CRHBP: variants seen among roughly 807,000 people sequenced by gnomAD.
The protein encoded by CRHBP is corticotropin-releasing hormone-binding protein.
In CRHBP, 19 loss-of-function variants were observed where a neutral mutation model predicts 34.9. That is an observed-to-expected ratio of 0.55 (90% CI 0.38 to 0.80). CRHBP has a LOEUF of 0.80. Ranked by LOEUF, CRHBP falls within the 30% of genes least tolerant of loss-of-function variation. The pLI, the probability that CRHBP is intolerant of heterozygous loss-of-function variation, is 0.00. For synonymous variants in CRHBP, 154 were observed against 153.4 expected (o/e 1.00, Z -0.03); for missense variants, 328 against 409.2 (o/e 0.80, Z 1.71).
At chr5:76,978,237 A>T (rs985112866) in intron 3 of CRHBP, among the ~76,000 whole-genome samples, 6 of 152,234 alleles carry the variant, frequency 3.9e-5, no homozygotes, top group Non-Finnish European at 8.8e-5. Context: ...ACTGATTTTC[A>T]ATGTAGACAA....
At chr5:76,965,029 C>CA (rs151225907) in intron 6 of CRHBP, among the ~76,000 whole-genome samples, 2,652 of 150,714 alleles carry the variant, frequency 0.018, 76 homozygotes, top group African/African-American at 0.062. Flanking sequence ...AAAAAACACA[C>CA]AAAAAAATAC....
At chr5:76,953,506 G>T (rs1745606322) in intron 1 of CRHBP, 95 bp from the exon 2 acceptor site, 10 of 1,214,722 alleles carry the variant, frequency 8.2e-6, no homozygotes, top group Non-Finnish European at 1.2e-5. Flanking sequence ...CTCTTTATTC[G>T]CTATGCTGAG....
intron 3 of CRHBP, among the ~76,000 whole-genome samples, chr5:76,980,515 A>T (rs1029338485): frequency 6.6e-6 from 1 of 152,222 alleles, no homozygotes; most frequent in Non-Finnish European, 1.5e-5. Flanking sequence ...TAACAAATCA[A>T]TTCCATTTCC....
At chr5:76,962,645 C>A (rs1745797766) in intron 5 of CRHBP, among the ~76,000 whole-genome samples, 1 of 149,586 alleles carries the variant, frequency 6.7e-6, no homozygotes, top group African/African-American at 2.5e-5. Flanking sequence ...AAGGGGGAAG[C>A]AGGAAAAGGT....
chr5:76,960,929 T>C (rs1745767399), intron 5 of CRHBP, among the ~76,000 whole-genome samples: 1 of 151,610 alleles, frequency 6.6e-6, no homozygotes, highest in African/African-American at 2.4e-5. Context: ...CACACCTGGC[T>C]AATTTTTTTT....
At position 76,969,345 on chromosome 5, in the gene CRHBP, A is replaced by T. The variant is rs1024571262; in HGVS notation, c.*460A>T. ...ATTTTCTATTTATTATTGTTACAAT[A>T]GGTAATAGTTATAGCAATTATTTAT... On this transcript the variant is annotated 3_prime_UTR_variant, in exon 7 of 7. Coordinates refer to ENST00000274368, the MANE Select transcript of CRHBP (RefSeq NM_001882.4). 6.5e-6 allele frequency: 1 copy of T among 153,086 alleles called. No homozygotes were observed. The highest frequency in any genetic ancestry group is 1.5e-5 in the Non-Finnish European group (1 of 68,350). The allele number at this position is 153,086 out of a possible 1,614,324, so 9.5% of individuals were successfully genotyped here.
chr5:76,954,674 A>G (rs560059903), intron 3 of CRHBP, among the ~76,000 whole-genome samples: 1 of 152,304 alleles, frequency 6.6e-6, no homozygotes, highest in Admixed American at 6.5e-5. Context: ...CCGAGAGCAC[A>G]GAGGCTGTCT....
chr5:76,973,043 G>T (rs1179199037), downstream of CRHBP, among the ~76,000 whole-genome samples: 1 of 152,186 alleles, frequency 6.6e-6, no homozygotes, highest in African/African-American at 2.4e-5. Flanking sequence ...CAAGAAGCCT[G>T]CATCTCTGAA....
downstream of CRHBP, among the ~76,000 whole-genome samples, chr5:76,971,159 A>G (rs893192552): frequency 6.6e-6 from 1 of 152,220 alleles, no homozygotes; most frequent in Non-Finnish European, 1.5e-5. Context: ...AGTATAGCGT[A>G]GTGGTTAAGG....
At position 76,953,112 on chromosome 5, in the gene CRHBP, G is replaced by A; in HGVS notation, c.-23G>A. ...CCCAGGACCTCCGGAGCAGAGCACAGCAGCTGCAGAGGCAAGGCCAGCATG... is the reference window on the plus strand; with the variant it reads ...CCCAGGACCTCCGGAGCAGAGCACAACAGCTGCAGAGGCAAGGCCAGCATG... On this transcript the variant is annotated 5_prime_UTR_variant, in exon 1 of 7. Transcript: ENST00000274368. 2 of 1,611,060 alleles carry A rather than the reference G, an allele frequency of 1.2e-6. No individual in the cohort carries two copies. Among genetic ancestry groups the A allele is most frequent in the South Asian group, 1.1e-5 (1 of 91,010 alleles).
chr5:76,963,287 G>C, intron 5 of CRHBP, 56 bp from the exon 6 acceptor site: 1 of 1,484,976 alleles, frequency 6.7e-7, no homozygotes, highest in Non-Finnish European at 9.4e-7. Context: ...TGGTCAAATG[G>C]TTTGACTTCT....
chr5:76,969,162 T>G lies in CRHBP; in HGVS notation c.*277T>G, dbSNP rs1161167346. On this transcript the variant is annotated 3_prime_UTR_variant, in exon 7 of 7. Transcript: ENST00000274368. Reference sequence around the variant, plus strand: ...TGGAAATGTTTGTAATTCTTTGATGTGCTACAAACCTGAAACTGGTAAGAC... The same window carrying G: ...TGGAAATGTTTGTAATTCTTTGATGGGCTACAAACCTGAAACTGGTAAGAC... The G allele has an allele frequency of 3.4e-6, 1 of 295,708 alleles. No individual in the cohort carries two copies. Among genetic ancestry groups the G allele is most frequent in the African/African-American group, 2.2e-5 (1 of 45,912 alleles). 18.3% of individuals were successfully genotyped at this position (295,708 alleles called of 1,614,324 possible).
rs932086589 is a variant in CRHBP at position 76,969,343 on chromosome 5, A to G, written c.*458A>G. On this transcript the variant is annotated 3_prime_UTR_variant, in exon 7 of 7. Coordinates refer to ENST00000274368, the MANE Select transcript of CRHBP (RefSeq NM_001882.4). The stretch of plus-strand genomic sequence containing the variant: ...TTATTTTCTATTTATTATTGTTACA[A>G]TAGGTAATAGTTATAGCAATTATTT... 6.5e-6 allele frequency: 1 copy of G among 153,058 alleles called. No individual in the cohort carries two copies. Among genetic ancestry groups the G allele is most frequent in the African/African-American group, 2.4e-5 (1 of 41,470 alleles). 9.5% of individuals were successfully genotyped at this position (153,058 alleles called of 1,614,324 possible). A position where few individuals can be genotyped will look rare whatever the true frequency, so the allele number is the denominator to read the frequency against.
At chr5:76,964,545 C>G (rs549769249) in intron 6 of CRHBP, among the ~76,000 whole-genome samples, 1 of 152,324 alleles carries the variant, frequency 6.6e-6, no homozygotes, top group South Asian at 2.1e-4. Flanking sequence ...CAGATTCAAC[C>G]AATTGTAATA....
intron 3 of CRHBP, 147 bp downstream of exon 3, chr5:76,954,333 G>A: frequency 1.0e-6 from 1 of 975,784 alleles, no homozygotes; most frequent in Non-Finnish European, 1.5e-6. Flanking sequence ...AGTCGGAGAG[G>A]CGCGTTCGAG....
Position 76,955,726 on chromosome 5 carries a change from G to A in CRHBP, c.407G>A (p.Arg136Gln), listed in dbSNP as rs774432530. Residue 136 changes from arginine (R) to glutamine (Q), a missense_variant, in exon 4 of 7, where the codon CGG becomes CAG. Arg to Gln is a conservative substitution (Grantham distance 43, BLOSUM62 1). Coordinates refer to ENST00000274368, the MANE Select transcript of CRHBP (RefSeq NM_001882.4). ...SQDHPLPSAE[R>Q]YIDFCESGLS... is the part of the protein sequence containing the mutation. ...GATCATCCTCTCCCCTCAGCTGAGC[G>A]GTACATAGATTTCTGTGAGAGTGGT... 1.9e-5 allele frequency: 30 copies of A among 1,614,062 alleles called. No homozygotes were observed. Among genetic ancestry groups the A allele is most frequent in the Middle Eastern group, 1.6e-4 (1 of 6,084 alleles).
chr5:76,958,667 G>A, intron 4 of CRHBP, 74 bp from the exon 5 acceptor site: 1 of 1,501,514 alleles, frequency 6.7e-7, no homozygotes, highest in Non-Finnish European at 8.9e-7. Flanking sequence ...CCTAGAATAA[G>A]ATACAATAAA....
intron 5 of CRHBP, 136 bp downstream of exon 5, chr5:76,959,025 G>A (rs1745734467): frequency 2.3e-6 from 2 of 861,150 alleles, no homozygotes; most frequent in East Asian, 2.9e-5. Flanking sequence ...AATCTCAAAT[G>A]TGTTTGCCCT....
chr5:76,965,021 A>G (rs1745841089), intron 6 of CRHBP, among the ~76,000 whole-genome samples: 2 of 151,800 alleles, frequency 1.3e-5, no homozygotes, highest in South Asian at 4.1e-4. Flanking sequence ...AGGTAAAAAA[A>G]AAACACACAA....
Sources: allele counts gnomAD v4.1 joint callset (sites outside exome capture counted in the v4.1 genomes callset), GRCh38; gene constraint gnomAD v4.1.1; transcripts MANE v1.5; gene names NCBI Gene and HGNC (gene_info 2026-07-23, HGNC 2026-07-21).